The following NALF1 variants were observed in gnomAD, a reference collection of about 807,000 sequenced individuals.
The protein encoded by NALF1 is NALCN channel auxiliary factor 1, also known as family with sequence similarity 155 member A.
A neutral mutation model predicts 48.4 loss-of-function variants in NALF1; 3 were observed. That is an observed-to-expected ratio of 0.06 (90% confidence interval 0.03 to 0.16). NALF1 has a LOEUF of 0.16. Ranked by LOEUF, NALF1 falls within the 10% of genes least tolerant of loss-of-function variation. The pLI, the probability that NALF1 is intolerant of heterozygous loss-of-function variation, is 1.00. For synonymous variants in NALF1, 262 were observed against 245.7 expected (o/e 1.07, Z -0.62); for missense variants, 526 against 571.5 (o/e 0.92, Z 0.81).
intron 1 of NALF1, among the ~76,000 whole-genome samples, chr13:107,478,401 G>A (rs535269990): frequency 6.6e-6 from 1 of 151,600 alleles, no homozygotes; most frequent in Non-Finnish European, 1.5e-5. Flanking sequence ...ATTTTAAAAC[G>A]ATTCAAAACA....
chr13:107,811,948 A>C (rs1879006727), intron 1 of NALF1, among the ~76,000 whole-genome samples: 1 of 152,204 alleles, frequency 6.6e-6, no homozygotes, highest in African/African-American at 2.4e-5. Context: ...CATTGTCTTT[A>C]TTGATATGCA....
In NALF1 at chr13:107,783,627, G is replaced by A. The variant is rs1402097739; in HGVS notation, c.915+82055C>T. 3.3e-5 allele frequency among the ~76,000 whole-genome samples: 5 copies of A among 152,124 alleles called. No individual in the cohort carries two copies. The East Asian group carries it at 9.7e-4, about 30-fold the overall frequency. ...CTCAGGGTTGAATGGATTAAGGGCG[G>A]TGCAAGATGTGCTTTGTTAAACAGA... On this transcript the variant is annotated intron_variant, in intron 1 of 2. Coordinates refer to ENST00000375915, the MANE Select transcript of NALF1 (RefSeq NM_001080396.3).
At chr13:107,838,533 C>T (rs573759985) in intron 1 of NALF1, among the ~76,000 whole-genome samples, 5 of 152,006 alleles carry the variant, frequency 3.3e-5, no homozygotes, top group Admixed American at 6.6e-5. Flanking sequence ...CAAATTGTGT[C>T]GTACGTAACA....
At chr13:107,781,452 G>A (rs1877884974) in intron 1 of NALF1, among the ~76,000 whole-genome samples, 1 of 151,740 alleles carries the variant, frequency 6.6e-6, no homozygotes, top group South Asian at 2.1e-4. Context: ...TATTACTTCA[G>A]TTTGCTCCCA....
chr13:107,866,002 C>A lies in NALF1; in HGVS notation c.595G>T (p.Ala199Ser). 6.2e-7 allele frequency: 1 copy of A among 1,611,850 alleles called. No individual in the cohort carries two copies. Among genetic ancestry groups the A allele is most frequent in the Non-Finnish European group, 8.5e-7 (1 of 1,179,854 alleles). ...ACCTCCTGCCCGTCCCCCCCGGCCGCCCCCCGACTCCAGTTCCTGGCGCAC... is the reference window on the plus strand; with the variant it reads ...ACCTCCTGCCCGTCCCCCCCGGCCGACCCCCGACTCCAGTTCCTGGCGCAC... ...AVCARNWSRG[A>S]AGGDGQEVRS... The change falls in exon 1 of 3, where the codon GCG (alanine) becomes TCG (serine). Residue 199 changes from alanine (A) to serine (S), a missense_variant. Physicochemically the swap from Ala to Ser is moderately conservative, Grantham distance 99 (BLOSUM62 1). This residue lies in a region of NALF1 where 373 missense variants were observed against 355.5 expected (regional missense o/e 1.05). Coordinates refer to ENST00000375915, the MANE Select transcript of NALF1 (RefSeq NM_001080396.3). The surrounding 1 kb of genome is among the most constrained non-coding windows in gnomAD (Gnocchi z 4.4).
At chr13:107,537,362 A>G (rs553235562) in intron 1 of NALF1, among the ~76,000 whole-genome samples, 114 of 152,274 alleles carry the variant, frequency 7.5e-4, no homozygotes, top group African/African-American at 2.7e-3. Context: ...TTTGATTAAT[A>G]TTTAGCTTTA....
intron 1 of NALF1, among the ~76,000 whole-genome samples, chr13:107,282,739 G>T (rs1190446968): frequency 6.6e-6 from 1 of 152,210 alleles, no homozygotes; most frequent in Non-Finnish European, 1.5e-5. Context: ...TCATGTGAGT[G>T]ATCGACCTCG....
At chr13:107,323,888 G>A (rs1390887712) in intron 1 of NALF1, among the ~76,000 whole-genome samples, 5 of 152,112 alleles carry the variant, frequency 3.3e-5, no homozygotes, top group African/African-American at 1.2e-4. Context: ...TGAGGCAGAA[G>A]GATCGCTTGA....
intron 1 of NALF1, among the ~76,000 whole-genome samples, chr13:107,402,655 C>A (rs190517620): frequency 1.7e-3 from 266 of 152,174 alleles, no homozygotes; most frequent in Non-Finnish European, 3.3e-3. Context: ...AATACATTTT[C>A]ATTGAGAGAT....
chr13:107,483,299 T>C (rs781140140), intron 1 of NALF1, among the ~76,000 whole-genome samples: 1 of 152,194 alleles, frequency 6.6e-6, no homozygotes, highest in Non-Finnish European at 1.5e-5. Context: ...AAGACAACTT[T>C]ATTCCTCATG....
intron 1 of NALF1, among the ~76,000 whole-genome samples, chr13:107,834,139 G>A (rs1275128201): frequency 4.6e-5 from 7 of 151,930 alleles, no homozygotes; most frequent in Admixed American, 2.0e-4. Context: ...CTTTGTATTC[G>A]GTATTATGAG....
At chr13:107,283,450 T>TA (rs55738590) in intron 1 of NALF1, among the ~76,000 whole-genome samples, 56,659 of 148,056 alleles carry the variant, frequency 0.38, 13,032 homozygotes, top group South Asian at 0.6. Context: ...AATGCTGAGT[T>TA]AAAAAAAAAA....
chr13:107,567,636 C>G (rs765976274), intron 1 of NALF1, among the ~76,000 whole-genome samples: 2 of 152,210 alleles, frequency 1.3e-5, no homozygotes, highest in Admixed American at 6.5e-5. Flanking sequence ...TACACATGCA[C>G]TCTTCTGTAC....
chr13:107,406,724 G>A (rs1424834898), intron 1 of NALF1, among the ~76,000 whole-genome samples: 4 of 151,566 alleles, frequency 2.6e-5, no homozygotes, highest in Admixed American at 6.6e-5. Context: ...TATTTTGATA[G>A]AGATTAATAG....
chr13:107,225,840 C>T (rs1017790644), intron 1 of NALF1, among the ~76,000 whole-genome samples: 9 of 152,194 alleles, frequency 5.9e-5, no homozygotes, highest in Non-Finnish European at 8.8e-5. Flanking sequence ...CACACACACA[C>T]GCATGCGCAC....
At chr13:107,243,747 G>A (rs1170001599) in intron 1 of NALF1, among the ~76,000 whole-genome samples, 4 of 152,226 alleles carry the variant, frequency 2.6e-5, no homozygotes, top group African/African-American at 7.2e-5. Context: ...TAGATAAGCA[G>A]GTCATGCTGC....
At chr13:107,360,043 T>C (rs1367302328) in intron 1 of NALF1, among the ~76,000 whole-genome samples, 2 of 152,188 alleles carry the variant, frequency 1.3e-5, no homozygotes, top group Non-Finnish European at 2.9e-5. Flanking sequence ...AATTTGCAAA[T>C]GACTTGTGGC....
intron 1 of NALF1, among the ~76,000 whole-genome samples, chr13:107,864,500 A>G (rs561465006): frequency 4.6e-5 from 7 of 152,368 alleles, no homozygotes; most frequent in Non-Finnish European, 7.3e-5. Flanking sequence ...CAAGTGAGAC[A>G]GAGGAACAGT....
At chr13:107,705,524 A>G (rs200163617) in intron 1 of NALF1, among the ~76,000 whole-genome samples, 1 of 147,694 alleles carries the variant, frequency 6.8e-6, no homozygotes, top group Non-Finnish European at 1.5e-5. Flanking sequence ...ATATATATAT[A>G]TATGTATATA....
Sources: allele counts gnomAD v4.1 joint callset (sites outside exome capture counted in the v4.1 genomes callset), GRCh38; gene constraint gnomAD v4.1.1; regional missense constraint gnomAD v4.1.1; non-coding constraint Gnocchi (gnomAD v3.1); transcripts MANE v1.5; gene names NCBI Gene and HGNC (gene_info 2026-07-23, HGNC 2026-07-21).